Variants in DENND5B observed in about 807,000 individuals in gnomAD.
DENND5B encodes DENN domain-containing protein 5B.
In DENND5B, 34 loss-of-function variants were observed where a neutral mutation model predicts 140.6. That is an observed-to-expected ratio of 0.24 (90% confidence interval 0.18 to 0.32). The LOEUF is 0.32. DENND5B is among the 10% of genes least tolerant of loss of function. The pLI is 1.00. For synonymous variants in DENND5B, 551 were observed against 562.1 expected (o/e 0.98, Z 0.28); for missense variants, 1,142 against 1,560.2 (o/e 0.73, Z 4.52).
rs1469562408 is a variant in DENND5B at position 31,385,333 on chromosome 12, AGT to A, written c.*2268_*2269del. On this transcript the variant is annotated 3_prime_UTR_variant, in exon 21 of 21. Coordinates refer to ENST00000389082, the MANE Select transcript of DENND5B (RefSeq NM_144973.4). ...GTTGTCAGTAACCAGCTGTGGGGTA[AGT>A]GTAAGATTTAATCTCTCTATTCCTT... The A allele has an allele frequency of 6.6e-6, 1 of 152,304 alleles. No homozygotes were observed. Among genetic ancestry groups the A allele is most frequent in the East Asian group, 1.9e-4 (1 of 5,178 alleles). 9.4% of individuals were successfully genotyped at this position (152,304 alleles called of 1,614,324 possible). A position where few individuals can be genotyped will look rare whatever the true frequency, so the allele number is the denominator to read the frequency against.
chr12:31,484,197 G>A (rs1946198263), intron 2 of DENND5B, among the ~76,000 whole-genome samples: 1 of 152,172 alleles, frequency 6.6e-6, no homozygotes, highest in African/African-American at 2.4e-5. Context: ...TCGTAAAGCA[G>A]TGGAGACAAC....
chr12:31,526,950 A>G (rs1382478145), intron 1 of DENND5B, among the ~76,000 whole-genome samples: 1 of 152,252 alleles, frequency 6.6e-6, no homozygotes, highest in Non-Finnish European at 1.5e-5. Flanking sequence ...TCCATTCAAC[A>G]AACTATTTTG....
intron 1 of DENND5B, among the ~76,000 whole-genome samples, chr12:31,551,672 G>A (rs1479206357): frequency 2.0e-5 from 3 of 152,046 alleles, no homozygotes; most frequent in African/African-American, 4.8e-5. Flanking sequence ...CCATTTTCAC[G>A]ATATTGATTC....
chr12:31,509,664 C>T (rs1947335076), intron 1 of DENND5B, among the ~76,000 whole-genome samples: 1 of 152,048 alleles, frequency 6.6e-6, no homozygotes, highest in Non-Finnish European at 1.5e-5. Context: ...CCAAAATAAT[C>T]CTTGCTCTCA....
chr12:31,416,901 T>C (rs1177563448), intron 11 of DENND5B, among the ~76,000 whole-genome samples: 2 of 139,844 alleles, frequency 1.4e-5, no homozygotes, highest in Admixed American at 7.2e-5. Flanking sequence ...AATATATATA[T>C]GTCTTTTTTT....
At chr12:31,483,869 T>C (rs1246296840) in intron 2 of DENND5B, among the ~76,000 whole-genome samples, 5 of 149,258 alleles carry the variant, frequency 3.3e-5, no homozygotes, top group African/African-American at 4.9e-5. Flanking sequence ...TCTTTTCTTT[T>C]TTTTTTTTTT....
intron 4 of DENND5B, among the ~76,000 whole-genome samples, chr12:31,458,221 C>A (rs1944870041): frequency 6.6e-6 from 1 of 152,102 alleles, no homozygotes. Flanking sequence ...GGTTTCCCAA[C>A]TACAGATATA....
intron 3 of DENND5B, among the ~76,000 whole-genome samples, chr12:31,464,724 C>A (rs1302946737): frequency 6.6e-6 from 1 of 152,032 alleles, no homozygotes; most frequent in Non-Finnish European, 1.5e-5. Context: ...CCACGCCTGG[C>A]TAATTTTTTG....
intron 1 of DENND5B, among the ~76,000 whole-genome samples, chr12:31,555,236 T>C (rs1366854470): frequency 6.6e-6 from 1 of 152,196 alleles, no homozygotes; most frequent in Non-Finnish European, 1.5e-5. Flanking sequence ...GTTTTTGGTG[T>C]GGATGTCCTT....
Position 31,549,586 on chromosome 12 carries a change from GGTTT to G in DENND5B, c.127+41116_127+41119del, listed in dbSNP as rs543293952. On this transcript the variant is annotated intron_variant, in intron 1 of 20. Transcript: ENST00000389082. Reference sequence around the variant, plus strand: ...CCAGGGTACAGGTGCAGGATATGCAGGTTTGTTACACAGGTAAATGTGTGCCATG... The same window carrying G: ...CCAGGGTACAGGTGCAGGATATGCAGGTTACACAGGTAAATGTGTGCCATG... 1.9e-4 allele frequency among the ~76,000 whole-genome samples: 29 copies of G among 151,780 alleles called. No homozygotes were observed. In the South Asian group the frequency reaches 2.7e-3, roughly 14 times the overall value.
intron 1 of DENND5B, among the ~76,000 whole-genome samples, chr12:31,548,806 C>A (rs1948944259): frequency 1.3e-5 from 2 of 152,252 alleles, no homozygotes; most frequent in South Asian, 4.2e-4. Flanking sequence ...GAACTACAGT[C>A]CCCATATGCA....
chr12:31,562,333 G>C (rs887963927), intron 1 of DENND5B, among the ~76,000 whole-genome samples: 2 of 152,152 alleles, frequency 1.3e-5, no homozygotes, highest in African/African-American at 4.8e-5. Context: ...AAATGGGCCG[G>C]GCGCAGCAGC....
intron 1 of DENND5B, among the ~76,000 whole-genome samples, chr12:31,572,173 G>A (rs1247062380): frequency 6.6e-6 from 1 of 151,476 alleles, no homozygotes; most frequent in Non-Finnish European, 1.5e-5. Context: ...GTGGTGAGCC[G>A]AGATCACAAC....
At chr12:31,452,587 G>T in intron 4 of DENND5B, 111 bp from the exon 5 acceptor site, 6 of 1,180,976 alleles carry the variant, frequency 5.1e-6, no homozygotes, top group Non-Finnish European at 6.9e-6. Flanking sequence ...ACTTTGGGAG[G>T]CCAAAGCAAA....
At chr12:31,443,718 T>C (rs1326651416) in intron 6 of DENND5B, 2 of 152,214 alleles carry the variant, frequency 1.3e-5, no homozygotes, top group Admixed American at 6.5e-5. Flanking sequence ...ATATTCGTGG[T>C]TCTCCATCTG....
Position 31,480,144 on chromosome 12 carries a change from G to C in DENND5B, c.349C>G (p.Leu117Val). 1.9e-6 allele frequency: 3 copies of C among 1,610,298 alleles called. No individual in the cohort carries two copies. In the East Asian group the frequency reaches 6.7e-5, roughly 36 times the overall value. The change falls in exon 3 of 21, where the codon CTC (leucine) becomes GTC (valine). Residue 117 changes from leucine to valine, a missense_variant. Physicochemically the swap from Leu to Val is conservative, Grantham distance 32 (BLOSUM62 1). Around this residue, in one of 5 missense-constraint regions of DENND5B, gnomAD observed 708 missense variants for 905.5 expected, o/e 0.78. Coordinates refer to ENST00000389082, the MANE Select transcript of DENND5B (RefSeq NM_144973.4). ...EDGSRTYGFV[L>V]TFYEEVTSKQ... is the part of the protein sequence containing the mutation. Reference sequence around the variant, plus strand: ...CTTGTAACTTCTTCATAAAAAGTGAGAACAAAACCATAGGTGCGAGAACCA... The same window carrying C: ...CTTGTAACTTCTTCATAAAAAGTGACAACAAAACCATAGGTGCGAGAACCA...
chr12:31,463,644 T>A (rs578225268), intron 3 of DENND5B, among the ~76,000 whole-genome samples: 18 of 152,312 alleles, frequency 1.2e-4, no homozygotes, highest in African/African-American at 4.3e-4. Context: ...TCAAGACTGG[T>A]TGAAGTACCA....
chr12:31,426,770 C>A, intron 8 of DENND5B: 1 of 232,958 alleles, frequency 4.3e-6, no homozygotes, highest in Non-Finnish European at 8.5e-6. Context: ...GTGTTTAGAT[C>A]ACAAATCCAA....
At chr12:31,520,547 TTTTTTC>T (rs1252900159) in intron 1 of DENND5B, among the ~76,000 whole-genome samples, 2 of 152,148 alleles carry the variant, frequency 1.3e-5, no homozygotes, top group Non-Finnish European at 2.9e-5. Context: ...GTAGCTACTT[TTTTTTC>T]TTTTTGAGAA....
Sources: allele counts gnomAD v4.1 joint callset (sites outside exome capture counted in the v4.1 genomes callset), GRCh38; gene constraint gnomAD v4.1.1; regional missense constraint gnomAD v4.1.1; transcripts MANE v1.5; gene names NCBI Gene and HGNC (gene_info 2026-07-23, HGNC 2026-07-21).